Variants in TBX5 observed in about 807,000 individuals in gnomAD.
The protein encoded by TBX5 is T-box transcription factor TBX5.
In TBX5, 8 loss-of-function variants were observed where a neutral mutation model predicts 51.1. The observed-to-expected ratio is 0.16, with a 90% CI of 0.09 to 0.28. The LOEUF is 0.28. TBX5 is among the 10% of genes least tolerant of loss of function. The pLI is 1.00. For synonymous variants in TBX5, 302 were observed against 266.4 expected, an observed-to-expected ratio of 1.13 and a Z score of -1.30; for missense variants, 589 against 671.7, an observed-to-expected ratio of 0.88 and a Z score of 1.36.
intron 5 of TBX5, among the ~76,000 whole-genome samples, chr12:114,396,114 G>A (rs945685355): frequency 6.6e-6 from 1 of 152,038 alleles, no homozygotes; most frequent in Non-Finnish European, 1.5e-5. Flanking sequence ...GTCCGGCCCC[G>A]ATCGAGTGGA....
Position 114,399,519 on chromosome 12 carries a change from T to A in TBX5, c.356A>T (p.Asn119Ile). Residue 119 changes from asparagine (N) to isoleucine (I), a missense_variant, in exon 4 of 9, where the codon AAT becomes ATT. Transcript: ENST00000405440. ...CTGCCACCCCAGTGCCTACCATTTA[T>A]TATCTGCGAATTTGTATCTGTGATC... ...ADDHRYKFAD[N>I]KWSVTGKAEP... is the part of the protein sequence containing the mutation. 6.2e-7 allele frequency: 1 copy of A among 1,614,154 alleles called. No individual in the cohort carries two copies. The highest frequency in any genetic ancestry group is 1.1e-5 in the South Asian group (1 of 91,076).
intron 7 of TBX5, among the ~76,000 whole-genome samples, chr12:114,368,674 G>A (rs1055868981): frequency 6.6e-6 from 1 of 152,182 alleles, no homozygotes; most frequent in Admixed American, 6.5e-5. Context: ...TTTTAGGGGA[G>A]CAGGGTTTTG....
intron 7 of TBX5, among the ~76,000 whole-genome samples, chr12:114,372,417 G>T (rs141502971): frequency 0.022 from 3,348 of 151,980 alleles, 77 homozygotes; most frequent in African/African-American, 0.054. Context: ...GGGTCCTCCT[G>T]CTTCAGCCTC....
rs1871336884 is a variant in TBX5 at position 114,394,830 on chromosome 12, T to C, written c.574A>G (p.Asn192Asp). The change falls in exon 6 of 9, where the codon AAT becomes GAT. Residue 192 changes from asparagine to aspartate, a missense_variant. Physicochemically the swap from Asn to Asp is conservative, Grantham distance 23. This residue lies in a region of TBX5 where 20 missense variants were observed against 50.9 expected (regional missense o/e 0.39). Coordinates refer to ENST00000405440, the MANE Select transcript of TBX5 (RefSeq NM_181486.4). Reference protein sequence around the residue: ...RLHIVKADENNGFGSKNTAFC... With the variant: ...RLHIVKADENDGFGSKNTAFC... ...GCTGTATTTTTTGAGCCAAATCCATTATTTTCATCCGCTTTCACGATGTGT... is the reference window on the plus strand; with the variant it reads ...GCTGTATTTTTTGAGCCAAATCCATCATTTTCATCCGCTTTCACGATGTGT... The C allele has an allele frequency of 6.2e-7, 1 of 1,614,084 alleles. No individual in the cohort carries two copies. Among genetic ancestry groups the C allele is most frequent in the Non-Finnish European group, 8.5e-7 (1 of 1,180,032 alleles).
chr12:114,361,934 T>TCTCCAGGGTGCATA (rs1360257293), intron 8 of TBX5, among the ~76,000 whole-genome samples: 2 of 151,896 alleles, frequency 1.3e-5, no homozygotes, highest in Non-Finnish European at 2.9e-5. Context: ...TGAAAGGATT[T>TCTCCAGGGTGCATA]CTCCAGGGTG....
rs909601740 is a variant in TBX5 at position 114,403,686 on chromosome 12, C to T, written c.147+66G>A. The T allele has an allele frequency of 5.0e-6, 8 of 1,585,000 alleles. No homozygotes were observed. The South Asian group carries it at 8.9e-5, about 18-fold the overall frequency. On this transcript the variant is annotated intron_variant, in intron 2 of 8. Coordinates refer to ENST00000405440, the MANE Select transcript of TBX5 (RefSeq NM_181486.4). The stretch of plus-strand genomic sequence containing the variant: ...TTTGTTCTGTCCCCGCAAGAGAAGC[C>T]GAGCAGGAAAGCCAGACTCTGACTT...
rs368870652 is a variant in TBX5, at chr12:114,403,388, G to T, written c.147+364C>A. Among the ~76,000 whole-genome samples, 58 of 152,270 alleles carry T rather than the reference G, an allele frequency of 3.8e-4. No homozygotes were observed. In the South Asian group the frequency reaches 0.011, roughly 29 times the overall value. On this transcript the variant is annotated intron_variant, in intron 2 of 8. Coordinates refer to ENST00000405440, the MANE Select transcript of TBX5 (RefSeq NM_181486.4). The stretch of plus-strand genomic sequence containing the variant: ...CCGCTGACCTGGCCCTTATTAAGAT[G>T]CTGGGGGCCGATTCTACACATAGTG...
At chr12:114,392,977 C>T (rs1186484348) in intron 6 of TBX5, among the ~76,000 whole-genome samples, 1 of 152,162 alleles carries the variant, frequency 6.6e-6, no homozygotes, top group Non-Finnish European at 1.5e-5. Flanking sequence ...AGCTCTCTCT[C>T]GACCTGGGTT....
chr12:114,369,511 G>C (rs924129879), intron 7 of TBX5, among the ~76,000 whole-genome samples: 2 of 152,140 alleles, frequency 1.3e-5, no homozygotes, highest in African/African-American at 4.8e-5. Flanking sequence ...CATGGAATGG[G>C]GAAGTGACTT....
intron 7 of TBX5, among the ~76,000 whole-genome samples, chr12:114,367,467 C>T (rs1408429305): frequency 6.6e-6 from 1 of 152,144 alleles, no homozygotes; most frequent in African/African-American, 2.4e-5. Context: ...TGGCCCCTCA[C>T]ACTCTTAGGA....
At position 114,405,734 on chromosome 12, in the gene TBX5, G is replaced by C; in HGVS notation, c.-145C>G. 1.0e-6 allele frequency: 1 copy of C among 985,574 alleles called. No individual in the cohort carries two copies. The highest frequency in any genetic ancestry group is 1.2e-6 in the Non-Finnish European group (1 of 830,070). 61.1% of individuals were successfully genotyped at this position (985,574 alleles called of 1,614,324 possible). ...ATGGTGGCTCCGGGGTTTATGCGGG[G>C]TTTACTGCTTACCCAGAATAGCGGC... On this transcript the variant is annotated 5_prime_UTR_variant, in exon 1 of 9. Transcript: ENST00000405440.
At chr12:114,395,382 G>A (rs1388272064) in intron 5 of TBX5, among the ~76,000 whole-genome samples, 1 of 151,974 alleles carries the variant, frequency 6.6e-6, no homozygotes, top group Non-Finnish European at 1.5e-5. Flanking sequence ...TTGGAAAACT[G>A]AAATAAGTAA....
intron 6 of TBX5, among the ~76,000 whole-genome samples, chr12:114,394,167 C>T (rs1165305058): frequency 6.6e-6 from 1 of 152,152 alleles, no homozygotes; most frequent in South Asian, 2.1e-4. Context: ...TAAAAATTGG[C>T]TGAGCATAAT....
At position 114,383,496 on chromosome 12, in the gene TBX5, T is replaced by C. The variant is rs552290528; in HGVS notation, c.755+1980A>G. Reference sequence around the variant, plus strand: ...TAACCAGGCAAAAGAGTCCAAACCTTATAGTGATGGCAACAGGAGACTTGG... The same window carrying C: ...TAACCAGGCAAAAGAGTCCAAACCTCATAGTGATGGCAACAGGAGACTTGG... On this transcript the variant is annotated intron_variant, in intron 7 of 8. Transcript: ENST00000405440. 2.2e-3 allele frequency among the ~76,000 whole-genome samples: 329 copies of C among 152,182 alleles called. 1 individual carries two copies. Among genetic ancestry groups the C allele is most frequent in the Admixed American group, 6.7e-3 (102 of 15,278 alleles).
intron 7 of TBX5, among the ~76,000 whole-genome samples, chr12:114,371,077 A>C (rs1869876375): frequency 6.6e-6 from 1 of 152,218 alleles, no homozygotes; most frequent in African/African-American, 2.4e-5. Context: ...ACTACTTGGC[A>C]AATCCCACTT....
chr12:114,362,968 A>C (rs1027166527), intron 8 of TBX5, among the ~76,000 whole-genome samples: 1 of 152,188 alleles, frequency 6.6e-6, no homozygotes, highest in Admixed American at 6.5e-5. Context: ...CAGGCTTCAC[A>C]ATTTCAATTA....
chr12:114,387,546 T>G (rs886567338), intron 6 of TBX5, among the ~76,000 whole-genome samples: 6 of 152,222 alleles, frequency 3.9e-5, no homozygotes, highest in Non-Finnish European at 7.3e-5. Flanking sequence ...AGAGGATTTT[T>G]GGGTTTGTGA....
intron 7 of TBX5, among the ~76,000 whole-genome samples, chr12:114,373,349 G>A (rs1202374408): frequency 6.6e-6 from 1 of 152,220 alleles, no homozygotes; most frequent in Non-Finnish European, 1.5e-5. Flanking sequence ...CACAGGGCAG[G>A]TGTGGATTCT....
intron 5 of TBX5, 87 bp downstream of exon 5, chr12:114,398,486 G>A: frequency 6.5e-7 from 1 of 1,542,598 alleles, no homozygotes; most frequent in Non-Finnish European, 8.8e-7. Context: ...TAGGCACACA[G>A]AGCCAAGAAG....
Sources: allele counts gnomAD v4.1 joint callset (sites outside exome capture counted in the v4.1 genomes callset), GRCh38; gene constraint gnomAD v4.1.1; regional missense constraint gnomAD v4.1.1; transcripts MANE v1.5; gene names NCBI Gene and HGNC (gene_info 2026-07-23, HGNC 2026-07-21).